SOX5: variants seen among roughly 807,000 people sequenced by gnomAD.
SOX5 encodes SRY-box transcription factor 5.
SOX5 carries 9 observed loss-of-function variants against 92.0 expected under a neutral mutation model. That is an observed-to-expected ratio of 0.10 (90% CI 0.06 to 0.17). SOX5 has a LOEUF of 0.17. Ranked by LOEUF, SOX5 falls within the 10% of genes least tolerant of loss-of-function variation. The pLI is 1.00. For synonymous variants in SOX5, 344 were observed against 336.3 expected, an observed-to-expected ratio of 1.02 and a Z score of -0.25; for missense variants, 642 against 944.5, an observed-to-expected ratio of 0.68 and a Z score of 4.20.
chr12:24,273,498 C>T (rs7979148), intron 3 of SOX5, among the ~76,000 whole-genome samples: 144,471 of 152,298 alleles, frequency 0.95, 69,022 homozygotes, highest in East Asian at 1. Context: ...TATTTCTTAC[C>T]AGCTGTTTGA....
intron 3 of SOX5, among the ~76,000 whole-genome samples, chr12:24,215,974 G>T: frequency 6.6e-6 from 1 of 152,194 alleles, no homozygotes; most frequent in East Asian, 1.9e-4. Context: ...GTTGATTTTT[G>T]ATAAGGTTGC....
At chr12:23,820,417 CTTTA>C (rs2096084380) in intron 3 of SOX5, among the ~76,000 whole-genome samples, 1 of 152,150 alleles carries the variant, frequency 6.6e-6, no homozygotes, top group African/African-American at 2.4e-5. Context: ...TGCAGCAGCT[CTTTA>C]GTTTAATTAG....
chr12:24,074,604 G>C (rs1261455171), intron 4 of SOX5, among the ~76,000 whole-genome samples: 1 of 112,754 alleles, frequency 8.9e-6, no homozygotes, highest in Non-Finnish European at 1.7e-5. Context: ...CTGGTGTCAG[G>C]CTTAGTGTTT....
chr12:24,032,358 T>A (rs982764802), intron 4 of SOX5, among the ~76,000 whole-genome samples: 2 of 151,858 alleles, frequency 1.3e-5, no homozygotes, highest in Non-Finnish European at 2.9e-5. Context: ...TAAAATACCA[T>A]CTAACTGAAT....
chr12:24,369,317 A>G (rs1458872555), intron 1 of SOX5, among the ~76,000 whole-genome samples: 1 of 152,216 alleles, frequency 6.6e-6, no homozygotes, highest in Non-Finnish European at 1.5e-5. Context: ...GTTTGGGCCA[A>G]GCAGTATCAG....
chr12:23,948,382 A>G (rs1555446037), intron 1 of SOX5, among the ~76,000 whole-genome samples: 1 of 151,954 alleles, frequency 6.6e-6, no homozygotes, highest in Non-Finnish European at 1.5e-5. Context: ...CCATTGCTTC[A>G]CTTCTAGAAT....
intron 9 of SOX5, among the ~76,000 whole-genome samples, chr12:23,583,505 T>G (rs2136944924): frequency 6.6e-6 from 1 of 152,242 alleles, no homozygotes; most frequent in East Asian, 1.9e-4. Flanking sequence ...TGTATGGTGT[T>G]TCCAATTCAA....
intron 4 of SOX5, among the ~76,000 whole-genome samples, chr12:24,003,769 G>GTT (rs59230154): frequency 0.036 from 5,375 of 147,992 alleles, 126 homozygotes; most frequent in Middle Eastern, 0.075. Context: ...ATGCCAGCAG[G>GTT]TTTTTTTTTT....
chr12:24,341,425 C>G (rs2141071624), intron 2 of SOX5, among the ~76,000 whole-genome samples: 1 of 152,322 alleles, frequency 6.6e-6, no homozygotes, highest in Admixed American at 6.5e-5. Context: ...CCGCAGTGAG[C>G]TGTGATCACA....
At chr12:24,109,119 TTA>T (rs1371960634) in intron 4 of SOX5, among the ~76,000 whole-genome samples, 1 of 152,176 alleles carries the variant, frequency 6.6e-6, no homozygotes, top group Non-Finnish European at 1.5e-5. Context: ...CTAAAGTTTA[TTA>T]TCTAGGTACT....
intron 4 of SOX5, among the ~76,000 whole-genome samples, chr12:24,126,546 C>T (rs1338081919): frequency 1.3e-5 from 2 of 152,190 alleles, no homozygotes; most frequent in Non-Finnish European, 2.9e-5. Context: ...TTTCAATCTG[C>T]CACTTCTCGG....
chr12:24,042,240 G>A (rs1447556391), intron 4 of SOX5, among the ~76,000 whole-genome samples: 1 of 151,960 alleles, frequency 6.6e-6, no homozygotes, highest in Non-Finnish European at 1.5e-5. Flanking sequence ...AGGTAGCCTT[G>A]GTACTGTTGG....
At chr12:24,149,892 T>G (rs753189962) in intron 4 of SOX5, among the ~76,000 whole-genome samples, 4 of 152,026 alleles carry the variant, frequency 2.6e-5, no homozygotes, top group Non-Finnish European at 4.4e-5. Flanking sequence ...ATAATTATGG[T>G]GAGTAAAACC....
intron 4 of SOX5, among the ~76,000 whole-genome samples, chr12:24,192,199 G>A (rs1307565895): frequency 6.6e-6 from 1 of 152,202 alleles, no homozygotes; most frequent in African/African-American, 2.4e-5. Flanking sequence ...GTTTGTATGA[G>A]CCAGAATTGA....
At chr12:24,504,669 A>G (rs1948548369) in intron 1 of SOX5, among the ~76,000 whole-genome samples, 1 of 152,212 alleles carries the variant, frequency 6.6e-6, no homozygotes, top group African/African-American at 2.4e-5. Context: ...TAAACATTCA[A>G]ATAGAACCTA....
intron 1 of SOX5, among the ~76,000 whole-genome samples, chr12:24,508,038 G>A (rs1447372927): frequency 6.6e-6 from 1 of 152,128 alleles, no homozygotes; most frequent in Non-Finnish European, 1.5e-5. Flanking sequence ...GCCTGAGGGT[G>A]GGTGGAAGGC....
chr12:23,729,360 T>C (rs538533551), intron 6 of SOX5, among the ~76,000 whole-genome samples: 8 of 152,298 alleles, frequency 5.3e-5, no homozygotes, highest in Admixed American at 3.9e-4. Context: ...TTCTCAATCA[T>C]CTTTTAAAAA....
At chr12:24,404,665 T>C (rs907040952) in intron 1 of SOX5, among the ~76,000 whole-genome samples, 3 of 152,198 alleles carry the variant, frequency 2.0e-5, no homozygotes, top group Non-Finnish European at 2.9e-5. Flanking sequence ...GCAGAAAGAA[T>C]GCGAGCTACA....
In SOX5 at chr12:24,102,558, C is replaced by T. The variant is rs558921874; in HGVS notation, c.-2+110785G>A. ...TATATTCAGTTGTTAGATTTCCATA[C>T]GTCATCTAGAGTTCTTTGGATTTAA... On this transcript the variant is annotated intron_variant, in intron 4 of 4. Transcript: ENST00000446891. Among the ~76,000 whole-genome samples the T allele has an allele frequency of 5.3e-5, 8 of 152,244 alleles. No homozygotes were observed. In the South Asian group the frequency reaches 6.2e-4, roughly 12 times the overall value.
Sources: allele counts gnomAD v4.1 joint callset (sites outside exome capture counted in the v4.1 genomes callset), GRCh38; gene constraint gnomAD v4.1.1; transcripts MANE v1.5; gene names NCBI Gene and HGNC (gene_info 2026-07-23, HGNC 2026-07-21).